Variants in MSH3 observed in about 807,000 individuals in gnomAD.
The protein encoded by MSH3 is mutS homolog 3, also known as DNA mismatch repair protein Msh3.
In MSH3, 106 loss-of-function variants were observed where a neutral mutation model predicts 123.3. The observed-to-expected ratio is 0.86, with a 90% confidence interval of 0.73 to 1.01. The LOEUF (loss-of-function observed/expected upper bound fraction) is 1.01, where lower values mean the gene tolerates loss of function less well. Ranked by LOEUF, MSH3 falls within the 50% of genes least tolerant of loss-of-function variation. The pLI, the probability that MSH3 is intolerant of heterozygous loss-of-function variation, is 0.00. For missense variants in MSH3, 1,459 were observed against 1,347.6 expected (o/e 1.08, Z -1.29); for synonymous variants, 515 against 481.4 (o/e 1.07, Z -0.91).
chr5:80,797,311 G>A (rs192403952), intron 19 of MSH3, among the ~76,000 whole-genome samples: 1 of 152,250 alleles, frequency 6.6e-6, no homozygotes, highest in African/African-American at 2.4e-5. Flanking sequence ...CTACATCTCT[G>A]TCACCTATGT....
intron 8 of MSH3, among the ~76,000 whole-genome samples, chr5:80,679,535 A>G (rs1749922231): frequency 6.6e-6 from 1 of 152,244 alleles, no homozygotes. Context: ...GATAATTTAG[A>G]GTTCACTTCT....
At chr5:80,788,560 C>CA (rs1189216550) in intron 18 of MSH3, among the ~76,000 whole-genome samples, 1 of 152,004 alleles carries the variant, frequency 6.6e-6, no homozygotes, top group Non-Finnish European at 1.5e-5. Context: ...CCTGTAATCC[C>CA]AGCATTTTGG....
intron 23 of MSH3, among the ~76,000 whole-genome samples, chr5:80,873,653 C>T (rs984797097): frequency 9.2e-5 from 14 of 152,200 alleles, no homozygotes; most frequent in Admixed American, 2.6e-4. Flanking sequence ...AGATATGCAA[C>T]GATTACATCC....
chr5:80,717,379 A>T (rs1750983977), intron 8 of MSH3, among the ~76,000 whole-genome samples: 1 of 152,108 alleles, frequency 6.6e-6, no homozygotes, highest in Admixed American at 6.6e-5. Flanking sequence ...GATCCTTCCC[A>T]CCTCAGCCGC....
chr5:80,656,682 A>G (rs2112802133), intron 2 of MSH3, 151 bp downstream of exon 2: 1 of 978,612 alleles, frequency 1.0e-6, no homozygotes, highest in East Asian at 2.6e-5. Context: ...CCTATAGGTG[A>G]TGGTGATGTG....
intron 17 of MSH3, among the ~76,000 whole-genome samples, chr5:80,782,840 A>G (rs1471593905): frequency 6.6e-6 from 1 of 152,210 alleles, no homozygotes; most frequent in Non-Finnish European, 1.5e-5. Flanking sequence ...ATTGAATACC[A>G]GCATTACAAA....
chr5:80,824,935 A>G (rs1315409628), intron 20 of MSH3, among the ~76,000 whole-genome samples: 2 of 152,094 alleles, frequency 1.3e-5, no homozygotes, highest in Non-Finnish European at 2.9e-5. Flanking sequence ...TATATGGGAC[A>G]TGTTCCCTAT....
chr5:80,702,813 A>T (rs1750640496), intron 8 of MSH3, among the ~76,000 whole-genome samples: 1 of 152,160 alleles, frequency 6.6e-6, no homozygotes, highest in Non-Finnish European at 1.5e-5. Context: ...GGAGTTTGAG[A>T]CCAGCCTGGG....
intron 7 of MSH3, among the ~76,000 whole-genome samples, chr5:80,678,206 A>G (rs1749885282): frequency 6.6e-6 from 1 of 152,164 alleles, no homozygotes. Flanking sequence ...GGGAGTAGTC[A>G]GATTTCCTGG....
intron 2 of MSH3, among the ~76,000 whole-genome samples, chr5:80,661,283 G>A (rs573101845): frequency 3.9e-5 from 6 of 152,194 alleles, no homozygotes; most frequent in African/African-American, 1.2e-4. Flanking sequence ...TTATTACGGG[G>A]ATGTTAACTA....
At position 80,772,094 on chromosome 5, in the gene MSH3, C is replaced by G. The variant is rs10076885; in HGVS notation, c.2253+3091C>G. Among the ~76,000 whole-genome samples the G allele has an allele frequency of 6.2e-3, 948 of 152,082 alleles. 8 individuals carry two copies. The highest frequency in any genetic ancestry group is 0.022 in the African/African-American group (914 of 41,458). ...TTTTATGAATATATACCAATTATCTCTTAACCTTGAATGAAATGTGGAATG... is the reference window on the plus strand; with the variant it reads ...TTTTATGAATATATACCAATTATCTGTTAACCTTGAATGAAATGTGGAATG... On this transcript the variant is annotated intron_variant, in intron 15 of 23. Transcript: ENST00000265081.
intron 19 of MSH3, among the ~76,000 whole-genome samples, chr5:80,809,812 T>C (rs1212451840): frequency 2.6e-5 from 4 of 152,228 alleles, no homozygotes; most frequent in South Asian, 2.1e-4. Context: ...TTGGAAGTTA[T>C]GTGAATTATT....
chr5:80,747,951 A>AG (rs1424819670), intron 12 of MSH3, among the ~76,000 whole-genome samples: 1 of 152,198 alleles, frequency 6.6e-6, no homozygotes, highest in Non-Finnish European at 1.5e-5. Context: ...CCCATCATTA[A>AG]GTGAGGCATG....
chr5:80,756,137 A>G (rs1345966872), intron 12 of MSH3, among the ~76,000 whole-genome samples: 3 of 152,194 alleles, frequency 2.0e-5, no homozygotes, highest in African/African-American at 2.4e-5. Context: ...GACTGAATGG[A>G]CTAAAGAACT....
intron 4 of MSH3, among the ~76,000 whole-genome samples, chr5:80,671,406 C>T (rs1360014823): frequency 6.6e-6 from 1 of 152,110 alleles, no homozygotes; most frequent in Non-Finnish European, 1.5e-5. Flanking sequence ...TCCTCTGTGG[C>T]AGGCAAGCAG....
In MSH3 at chr5:80,778,850, G is replaced by A; in HGVS notation, c.2435+14G>A. 7.2e-7 allele frequency: 1 copy of A among 1,380,756 alleles called. No homozygotes were observed. Among genetic ancestry groups the A allele is most frequent in the Non-Finnish European group, 1.0e-6 (1 of 967,986 alleles). The allele number at this position is 1,380,756 out of a possible 1,614,324, so 85.5% of individuals were successfully genotyped here. Reference sequence around the variant, plus strand: ...TGATTTTCTAGAGTGAGTTTACAATGAAAAAATATAATCTGACTTTTTGCT... The same window carrying A: ...TGATTTTCTAGAGTGAGTTTACAATAAAAAAATATAATCTGACTTTTTGCT... On this transcript the variant is annotated intron_variant, in intron 17 of 23. Transcript: ENST00000265081.
chr5:80,812,652 G>T (rs1745028808), intron 19 of MSH3, among the ~76,000 whole-genome samples: 1 of 142,790 alleles, frequency 7.0e-6, no homozygotes. Context: ...TGCTGTCTTG[G>T]CTCACTGCAA....
intron 15 of MSH3, among the ~76,000 whole-genome samples, chr5:80,770,662 T>C (rs943992471): frequency 4.6e-5 from 7 of 152,234 alleles, no homozygotes; most frequent in African/African-American, 1.7e-4. Flanking sequence ...CTAGTCTTTC[T>C]ATTATATTAA....
intron 20 of MSH3, among the ~76,000 whole-genome samples, chr5:80,821,146 G>A (rs1341740716): frequency 5.9e-5 from 9 of 152,146 alleles, no homozygotes; most frequent in Non-Finnish European, 4.4e-5. Flanking sequence ...ACAATTTTAA[G>A]TCCCATCTCT....
Sources: gnomAD v4.1 joint callset for allele counts (sites outside exome capture counted in the v4.1 genomes callset) on GRCh38, gnomAD v4.1.1 for gene constraint, MANE v1.5 for transcripts, NCBI Gene and HGNC (gene_info 2026-07-23, HGNC 2026-07-21) for gene names.